SMG1: variants seen among roughly 807,000 people sequenced by gnomAD.
The protein encoded by SMG1 is SMG1 nonsense mediated mRNA decay associated PI3K related kinase.
In SMG1, 22 loss-of-function variants were observed where a neutral mutation model predicts 419.9. The observed-to-expected ratio is 0.05, with a 90% confidence interval of 0.04 to 0.07. The LOEUF is 0.07. Among genes scored for constraint, SMG1 ranks in the 10% least tolerant of loss-of-function variants. The pLI, the probability that SMG1 is intolerant of heterozygous loss-of-function variation, is 1.00. For synonymous variants in SMG1, 1,538 were observed against 1,553.5 expected (o/e 0.99, Z 0.23); for missense variants, 3,185 against 4,342.0 (o/e 0.73, Z 7.49).
intron 25 of SMG1, among the ~76,000 whole-genome samples, chr16:18,863,022 TTATC>T (rs1278861871): frequency 1.3e-5 from 2 of 152,234 alleles, no homozygotes; most frequent in Non-Finnish European, 2.9e-5. Context: ...TCAATATTCT[TTATC>T]TAATCTTTGC....
chr16:18,827,553 T>C (rs924062510), intron 55 of SMG1, among the ~76,000 whole-genome samples: 1 of 145,762 alleles, frequency 6.9e-6, no homozygotes, highest in Non-Finnish European at 1.5e-5. Context: ...TATTTTTTTA[T>C]ATATCTTTGG....
chr16:18,883,568 G>A (rs969345426), intron 9 of SMG1, among the ~76,000 whole-genome samples: 2 of 152,210 alleles, frequency 1.3e-5, no homozygotes, highest in Non-Finnish European at 2.9e-5. Flanking sequence ...AGCTTGCAAC[G>A]TTTCTTTTAG....
chr16:18,849,336 A>G lies in SMG1; in HGVS notation c.5504T>C (p.Val1835Ala). Residue 1835 changes from valine to alanine, a missense_variant, in exon 36 of 63, where the codon GTG becomes GCG. This residue lies in a region of SMG1 where 11 missense variants were observed against 35.5 expected (regional missense o/e 0.31). Transcript: ENST00000446231. The part of the protein sequence containing the change: ...QLFSRLNHPE[V>A]YVRQSICNLL... ...GTTACAAATACTTTGGCGCACATACACTTCAGGGTGGTTTAAGCGTGAGAA... is the reference window on the plus strand; with the variant it reads ...GTTACAAATACTTTGGCGCACATACGCTTCAGGGTGGTTTAAGCGTGAGAA... 1 of 1,613,662 alleles carries G rather than the reference A, an allele frequency of 6.2e-7. No homozygotes were observed. The highest frequency in any genetic ancestry group is 8.5e-7 in the Non-Finnish European group (1 of 1,179,742).
chr16:18,863,046 T>C (rs542775771), intron 25 of SMG1, among the ~76,000 whole-genome samples: 15 of 152,350 alleles, frequency 9.8e-5, no homozygotes, highest in African/African-American at 3.4e-4. Flanking sequence ...CTTTAAAAGG[T>C]TGGAATTTGT....
intron 50 of SMG1, among the ~76,000 whole-genome samples, 191 bp from the exon 51 acceptor site, chr16:18,833,357 CAT>C (rs1291881674): frequency 7.9e-5 from 12 of 151,880 alleles, no homozygotes; most frequent in Non-Finnish European, 1.5e-4. Flanking sequence ...ATTTCATAGT[CAT>C]GTGAAATTTT....
At chr16:18,843,808 GATTA>G (rs2034065905) in intron 39 of SMG1, among the ~76,000 whole-genome samples, 2 of 152,194 alleles carry the variant, frequency 1.3e-5, no homozygotes, top group Admixed American at 1.3e-4. Context: ...AGTAGATAGT[GATTA>G]ATTAAAACTC....
intron 1 of SMG1, among the ~76,000 whole-genome samples, chr16:18,905,605 T>C (rs138262951): frequency 0.047 from 6,764 of 143,832 alleles, 180 homozygotes; most frequent in Middle Eastern, 0.13. Flanking sequence ...TTCTCCTCCT[T>C]CTTCATTTCA....
chr16:18,868,425 A>T, intron 21 of SMG1, 71 bp from the exon 22 acceptor site: 1 of 1,402,392 alleles, frequency 7.1e-7, no homozygotes, highest in Non-Finnish European at 9.8e-7. Flanking sequence ...CCTATATATA[A>T]ACCAAATACA....
At position 18,852,853 on chromosome 16, in the gene SMG1, T is replaced by C. The variant is rs185764316; in HGVS notation, c.4769-391A>G. 2.8e-4 allele frequency among the ~76,000 whole-genome samples: 42 copies of C among 152,358 alleles called. 1 individual carries two copies. Among genetic ancestry groups the C allele is most frequent in the Admixed American group, 2.0e-3 (31 of 15,306 alleles). ...AAAAATAATAAATAGGTGATGAGTA[T>C]ACTGTTTCATTCATACAGACTCATG... is the stretch of plus-strand genomic sequence containing the variant. On this transcript the variant is annotated intron_variant, in intron 31 of 62. Coordinates refer to ENST00000446231, the MANE Select transcript of SMG1 (RefSeq NM_015092.5).
intron 1 of SMG1, among the ~76,000 whole-genome samples, chr16:18,899,521 T>A (rs1322427899): frequency 6.6e-6 from 1 of 152,180 alleles, no homozygotes; most frequent in Non-Finnish European, 1.5e-5. Flanking sequence ...ACAAAATGCT[T>A]TAGCATTTAT....
chr16:18,877,050 T>C lies in SMG1; in HGVS notation c.1620+81A>G, dbSNP rs2036168181. On this transcript the variant is annotated intron_variant, in intron 12 of 62. Coordinates refer to ENST00000446231, the MANE Select transcript of SMG1 (RefSeq NM_015092.5). ...CATTTCACATTTCACTCAATTTCACTTATACAGCCTGGTAAGCAACATTAG... is the reference window on the plus strand; with the variant it reads ...CATTTCACATTTCACTCAATTTCACCTATACAGCCTGGTAAGCAACATTAG... 1.4e-5 allele frequency: 13 copies of C among 962,810 alleles called. No homozygotes were observed. In the South Asian group the frequency reaches 1.9e-4, roughly 14 times the overall value. 59.6% of individuals were successfully genotyped at this position (962,810 alleles called of 1,614,324 possible). A position where few individuals can be genotyped will look rare whatever the true frequency, so the allele number is the denominator to read the frequency against.
At chr16:18,872,916 G>C (rs1427408460) in intron 13 of SMG1, among the ~76,000 whole-genome samples, 1 of 152,090 alleles carries the variant, frequency 6.6e-6, no homozygotes, top group Admixed American at 6.5e-5. Context: ...CACTTTGGGA[G>C]GGTAAGGTGG....
chr16:18,811,655 T>A, intron 62 of SMG1, 106 bp downstream of exon 62: 3 of 1,012,678 alleles, frequency 3.0e-6, no homozygotes, highest in Non-Finnish European at 4.6e-6. Context: ...AAAACACATT[T>A]AAGTTCCTTG....
chr16:18,829,491 GA>G lies in SMG1; in HGVS notation c.9397del (p.Ser3133LeufsTer16). On this transcript the variant is annotated frameshift_variant, in exon 54 of 63. Transcript: ENST00000446231. LOFTEE classifies it high-confidence loss of function. The stretch of plus-strand genomic sequence containing the variant: ...CGCTTTCTTACAGAGATCATCAACA[GA>G]AACTTTGCTTTCGGCACCAAAGTCC... Reference protein sequence around the residue: ...AKDFGAESKVSVDDLCKKAVE... With the variant: ...AKDFGAESKVXVDDLCKKAVE... 6.2e-7 allele frequency: 1 copy of G among 1,613,968 alleles called. No homozygotes were observed. Among genetic ancestry groups the G allele is most frequent in the Non-Finnish European group, 8.5e-7 (1 of 1,179,884 alleles).
intron 2 of SMG1, among the ~76,000 whole-genome samples, 194 bp downstream of exon 2, chr16:18,896,599 T>C (rs913774242): frequency 1.3e-5 from 2 of 152,164 alleles, no homozygotes; most frequent in African/African-American, 4.8e-5. Flanking sequence ...GAATTATGTA[T>C]GGAAAAAATT....
chr16:18,812,209 G>A, intron 60 of SMG1, 82 bp from the exon 61 acceptor site: 3 of 1,339,710 alleles, frequency 2.2e-6, no homozygotes, highest in Non-Finnish European at 2.1e-6. Context: ...GGGATAGGTG[G>A]TAGTGGTTGA....
Position 18,850,308 on chromosome 16 carries a change from C to G in SMG1, c.5212G>C (p.Asp1738His), listed in dbSNP as rs571361373. Residue 1738 changes from aspartate (D) to histidine (H), a missense_variant, in exon 34 of 63, where the codon GAT becomes CAT. This residue lies in a region of SMG1 where 493 missense variants were observed against 552.9 expected (regional missense o/e 0.89). Coordinates refer to ENST00000446231, the MANE Select transcript of SMG1 (RefSeq NM_015092.5). ...GVIKVWRKVVDRIFSLYKLSC... is the reference protein window; with the variant it reads ...GVIKVWRKVVHRIFSLYKLSC... Reference sequence around the variant, plus strand: ...AGTTTGTACAGGCTGAATATTCTATCTACAACTTTCCTCCACACTTTAATA... The same window carrying G: ...AGTTTGTACAGGCTGAATATTCTATGTACAACTTTCCTCCACACTTTAATA... The G allele has an allele frequency of 5.6e-6, 9 of 1,613,790 alleles. No homozygotes were observed. The highest frequency in any genetic ancestry group is 6.8e-6 in the Non-Finnish European group (8 of 1,179,786).
chr16:18,811,197 T>C (rs940468897), intron 62 of SMG1, among the ~76,000 whole-genome samples: 2 of 152,126 alleles, frequency 1.3e-5, no homozygotes, highest in Non-Finnish European at 2.9e-5. Context: ...GGTGGTGGGA[T>C]GCAAGTCTAC....
chr16:18,926,020 AC>A lies in SMG1; in HGVS notation c.21del (p.Ser8LeufsTer3). ...CCGCCGCCGCCGCTGCTCAGCCGAG[AC>A]CCCGGGGCTCTGCGGCTCATTACCT... The part of the protein sequence containing the change: MSRRAP[G>X]SRLSSGGGGG... On this transcript the variant is annotated frameshift_variant, in exon 1 of 63. Coordinates refer to ENST00000446231, the MANE Select transcript of SMG1 (RefSeq NM_015092.5). LOFTEE classifies it high-confidence loss of function. 6.3e-7 allele frequency: 1 copy of A among 1,575,148 alleles called. No individual in the cohort carries two copies. Among genetic ancestry groups the A allele is most frequent in the East Asian group, 2.4e-5 (1 of 42,042 alleles).
Sources: gnomAD v4.1 joint callset for allele counts (sites outside exome capture counted in the v4.1 genomes callset) on GRCh38, gnomAD v4.1.1 for gene constraint, gnomAD v4.1.1 regional missense constraint, MANE v1.5 for transcripts, NCBI Gene and HGNC (gene_info 2026-07-23, HGNC 2026-07-21) for gene names.